Variants in TDP1 observed in about 807,000 individuals in gnomAD.
The protein encoded by TDP1 is tyr-DNA phosphodiesterase 1.
TDP1 carries 64 observed loss-of-function variants against 81.5 expected under a neutral mutation model. The ratio of observed to expected loss-of-function variants is 0.79; its 90% confidence interval spans 0.64 to 0.97. TDP1 has a LOEUF of 0.97. TDP1 is among the 50% of genes least tolerant of loss of function. The pLI is 0.00. For synonymous variants in TDP1, 256 were observed against 264.3 expected (o/e 0.97, Z 0.30); for missense variants, 723 against 743.8 (o/e 0.97, Z 0.33).
In TDP1 at chr14:89,985,181, G is replaced by C; in HGVS notation, c.1102G>C (p.Asp368His). Residue 368 changes from aspartate (D) to histidine (H), a missense_variant, in exon 10 of 17, where the codon GAT (aspartate) becomes CAT (histidine). Physicochemically the swap from Asp to His is moderately conservative, Grantham distance 81. Coordinates refer to ENST00000335725, the MANE Select transcript of TDP1 (RefSeq NM_018319.4). The part of the protein sequence containing the change: ...TPGRFQGSQK[D>H]NWGHFRLKKL... ...AGGACGCTTTCAAGGAAGTCAAAAA[G>C]ATAATTGGGGACATTTTAGACTTAA... is the stretch of plus-strand genomic sequence containing the variant. The C allele has an allele frequency of 6.2e-6, 10 of 1,610,500 alleles. No individual in the cohort carries two copies. The highest frequency in any genetic ancestry group is 8.5e-6 in the Non-Finnish European group (10 of 1,178,196).
At chr14:89,971,363 C>T in intron 6 of TDP1, 92 bp downstream of exon 6, 1 of 920,252 alleles carries the variant, frequency 1.1e-6, no homozygotes, top group Non-Finnish European at 1.8e-6. Context: ...GTGCAGAAAT[C>T]CTCTCTCCAG....
chr14:90,042,981 C>T, intron 16 of TDP1, 89 bp from the exon 17 acceptor site: 2 of 1,604,816 alleles, frequency 1.2e-6, no homozygotes, highest in Non-Finnish European at 8.5e-7. Flanking sequence ...TTTAGAGAGT[C>T]AAGCACATAA....
chr14:89,991,720 A>G (rs1596574719), intron 12 of TDP1, 197 bp from the exon 13 acceptor site: 1 of 924,758 alleles, frequency 1.1e-6, no homozygotes, highest in Non-Finnish European at 1.3e-6. Flanking sequence ...TTAATACTGA[A>G]GGAAGGAAAC....
chr14:90,009,192 T>A (rs1013615263), intron 14 of TDP1, among the ~76,000 whole-genome samples: 3 of 152,214 alleles, frequency 2.0e-5, no homozygotes, highest in Non-Finnish European at 2.9e-5. Context: ...GTGACTTGAG[T>A]GGACAAACCT....
intron 14 of TDP1, among the ~76,000 whole-genome samples, chr14:90,018,415 C>G (rs899851580): frequency 6.6e-6 from 1 of 152,132 alleles, no homozygotes; most frequent in Non-Finnish European, 1.5e-5. Context: ...CACCTTGGCA[C>G]CTCTTGCAAG....
In TDP1 at chr14:89,999,826, A is replaced by G. The variant is rs549948911; in HGVS notation, c.1541+6343A>G. Reference sequence around the variant, plus strand: ...ATAAGTTGACATGACACATTAACAAATAAGTATTGTTTCTTAATAGACATT... The same window carrying G: ...ATAAGTTGACATGACACATTAACAAGTAAGTATTGTTTCTTAATAGACATT... On this transcript the variant is annotated intron_variant, in intron 14 of 16. Transcript: ENST00000335725. 2.0e-3 allele frequency among the ~76,000 whole-genome samples: 310 copies of G among 152,350 alleles called. 1 individual carries two copies. The highest frequency in any genetic ancestry group is 7.2e-3 in the African/African-American group (298 of 41,574).
At chr14:90,033,432 GACTT>G in intron 16 of TDP1, 1 of 609,124 alleles carries the variant, frequency 1.6e-6, no homozygotes, top group Non-Finnish European at 3.0e-6. Context: ...GATCCTTCCT[GACTT>G]ACACTGGGGC....
chr14:90,024,375 C>T (rs1886419665), intron 15 of TDP1, among the ~76,000 whole-genome samples: 1 of 152,230 alleles, frequency 6.6e-6, no homozygotes, highest in South Asian at 2.1e-4. Context: ...CCACAACTTT[C>T]TAGAACCTGG....
At chr14:89,967,291 TA>T in intron 4 of TDP1, 75 bp from the exon 5 acceptor site, 1 of 1,465,162 alleles carries the variant, frequency 6.8e-7, no homozygotes, top group South Asian at 1.1e-5. Context: ...TTAAATGTAA[TA>T]ACTAAACAAT....
At chr14:89,965,218 T>C (rs1237113222) in intron 3 of TDP1, among the ~76,000 whole-genome samples, 4 of 152,138 alleles carry the variant, frequency 2.6e-5, no homozygotes, top group Admixed American at 2.0e-4. Flanking sequence ...TCTAGCTCAA[T>C]GTCCAGAAGA....
At chr14:90,001,640 T>C (rs1365536521) in intron 14 of TDP1, among the ~76,000 whole-genome samples, 2 of 152,214 alleles carry the variant, frequency 1.3e-5, no homozygotes, top group African/African-American at 4.8e-5. Flanking sequence ...GTATCCCCCT[T>C]AATCTAAATG....
At chr14:90,037,662 TGA>T in intron 16 of TDP1, among the ~76,000 whole-genome samples, 1 of 152,312 alleles carries the variant, frequency 6.6e-6, no homozygotes, top group East Asian at 1.9e-4. Flanking sequence ...CTCATCTATT[TGA>T]GAGTAGCAAA....
chr14:90,033,325 A>C, intron 16 of TDP1, 111 bp downstream of exon 16: 1 of 746,708 alleles, frequency 1.3e-6, no homozygotes, highest in Non-Finnish European at 2.4e-6. Context: ...ACCCTCTGGA[A>C]GCTCAAGTTT....
chr14:89,998,487 A>G (rs1896917652), intron 14 of TDP1, among the ~76,000 whole-genome samples: 1 of 146,232 alleles, frequency 6.8e-6, no homozygotes, highest in African/African-American at 2.6e-5. Flanking sequence ...TGTAATTCTT[A>G]TAGCCGTTCT....
chr14:89,977,070 G>A (rs1466508996), intron 7 of TDP1, among the ~76,000 whole-genome samples: 4 of 152,048 alleles, frequency 2.6e-5, no homozygotes, highest in Non-Finnish European at 4.4e-5. Flanking sequence ...CAGGAGAATC[G>A]CTTGAGCCTG....
chr14:89,966,216 T>A, intron 4 of TDP1, 26 bp downstream of exon 4: 1 of 1,531,168 alleles, frequency 6.5e-7, no homozygotes, highest in Non-Finnish European at 9.1e-7. Flanking sequence ...AGCTGTTTTT[T>A]CTTTGGGTGA....
chr14:90,007,543 C>A (rs763060950), intron 14 of TDP1, among the ~76,000 whole-genome samples: 4 of 152,046 alleles, frequency 2.6e-5, no homozygotes, highest in Non-Finnish European at 5.9e-5. Context: ...GAGCTGAGAT[C>A]GCTCCACTGC....
chr14:90,008,139 A>T (rs1442182701), intron 14 of TDP1, among the ~76,000 whole-genome samples: 1 of 152,144 alleles, frequency 6.6e-6, no homozygotes. Context: ...CTGATTTTTC[A>T]ACAGTTCGGT....
At chr14:89,983,394 G>C (rs968314966) in intron 8 of TDP1, 1 of 212,192 alleles carries the variant, frequency 4.7e-6, no homozygotes, top group Non-Finnish European at 9.7e-6. Context: ...AATGCCCCTT[G>C]CTAGAAACTT....
Sources: gnomAD v4.1 joint callset for allele counts (sites outside exome capture counted in the v4.1 genomes callset) on GRCh38, gnomAD v4.1.1 for gene constraint, MANE v1.5 for transcripts, NCBI Gene and HGNC (gene_info 2026-07-23, HGNC 2026-07-21) for gene names.